The following ERAP1 variants were observed in gnomAD, a reference collection of about 807,000 sequenced individuals.
ERAP1 encodes the protein endoplasmic reticulum aminopeptidase 1.
A neutral mutation model predicts 103.7 loss-of-function variants in ERAP1; 86 were observed. The observed-to-expected ratio is 0.83, with a 90% CI of 0.70 to 0.99. ERAP1 has a LOEUF of 0.99. Among genes scored for constraint, ERAP1 ranks in the 50% least tolerant of loss-of-function variants. The probability of loss-of-function intolerance (pLI) is 0.00; values close to 1 mark genes in which losing one functional copy is unlikely to be tolerated. For missense variants in ERAP1, 1,009 were observed against 1,128.4 expected (o/e 0.89, Z 1.52); for synonymous variants, 398 against 402.4 (o/e 0.99, Z 0.13).
chr5:96,855,631 T>G, the ERAP1 span, among the ~76,000 whole-genome samples: 1 of 152,202 alleles, frequency 6.6e-6, no homozygotes, highest in Non-Finnish European at 1.5e-5. Context: ...AAAAGGGCGA[T>G]GGCATTTTGA....
chr5:96,857,965 T>C, the ERAP1 span, among the ~76,000 whole-genome samples: 5 of 152,142 alleles, frequency 3.3e-5, no homozygotes, highest in Admixed American at 6.5e-5. Flanking sequence ...GTGCAAAGGA[T>C]AAAATGAAGA....
At chr5:96,845,085 G>A in the ERAP1 span, among the ~76,000 whole-genome samples, 12 of 152,062 alleles carry the variant, frequency 7.9e-5, no homozygotes, top group Non-Finnish European at 1.3e-4. Context: ...TATATTACTG[G>A]GGGGAAAACC....
the ERAP1 span, among the ~76,000 whole-genome samples, chr5:96,888,678 T>C: frequency 1.3e-5 from 2 of 152,358 alleles, no homozygotes; most frequent in East Asian, 1.9e-4. Flanking sequence ...TTCTACTTGA[T>C]AGCTAATTTC....
At chr5:96,909,697 C>A in the ERAP1 span, 3 of 1,614,194 alleles carry the variant, frequency 1.9e-6, no homozygotes, top group Non-Finnish European at 2.5e-6. Context: ...TGACCTGAAC[C>A]ATGCTCCTTG....
At chr5:96,837,013 A>G in the ERAP1 span, among the ~76,000 whole-genome samples, 8 of 152,210 alleles carry the variant, frequency 5.3e-5, no homozygotes, top group African/African-American at 1.2e-4. Flanking sequence ...ATGATGTCAT[A>G]AGGACTTTCA....
chr5:96,851,164 A>G, the ERAP1 span, among the ~76,000 whole-genome samples: 8 of 152,232 alleles, frequency 5.3e-5, no homozygotes, highest in Non-Finnish European at 7.3e-5. Context: ...ATGTTTAATT[A>G]GTGCTTCATA....
At chr5:96,815,247 T>C in the ERAP1 span, among the ~76,000 whole-genome samples, 14 of 152,208 alleles carry the variant, frequency 9.2e-5, no homozygotes, top group Non-Finnish European at 1.9e-4. Context: ...TGCTAAACTT[T>C]TATAAAATCT....
intron 19 of ERAP1, chr5:96,768,137 G>A (rs1311478680): frequency 4.4e-6 from 3 of 687,302 alleles, no homozygotes; most frequent in Non-Finnish European, 7.8e-6. Context: ...AGGCTGGAGT[G>A]CAGTGGTGTG....
chr5:96,850,694 A>G, the ERAP1 span, among the ~76,000 whole-genome samples: 6 of 152,312 alleles, frequency 3.9e-5, no homozygotes, highest in South Asian at 2.1e-4. Flanking sequence ...CACTCATTCC[A>G]CGATGTATAC....
chr5:96,781,874 C>G lies in ERAP1; in HGVS notation c.2286-20G>C, dbSNP rs1581545515. ...GGCAGGCTATAGAAAGGAACACACT[C>G]GGTGAGAATCTGAGGTGCAGTAAGT... On this transcript the variant is annotated intron_variant, in intron 15 of 18. Coordinates refer to ENST00000443439, the MANE Select transcript of ERAP1 (RefSeq NM_001040458.3). The G allele has an allele frequency of 6.2e-7, 1 of 1,612,648 alleles. No individual in the cohort carries two copies. Among genetic ancestry groups the G allele is most frequent in the Admixed American group, 1.7e-5 (1 of 60,004 alleles).
the ERAP1 span, among the ~76,000 whole-genome samples, chr5:96,834,741 A>C: frequency 6.6e-6 from 1 of 152,228 alleles, no homozygotes; most frequent in Non-Finnish European, 1.5e-5. Flanking sequence ...GAAGTGTTTG[A>C]TGCTGTGGGA....
intron 16 of ERAP1, 100 bp downstream of exon 16, chr5:96,781,593 T>C (rs181119323): frequency 1.4e-5 from 21 of 1,462,236 alleles, no homozygotes; most frequent in East Asian, 6.8e-5. Context: ...CCCAGCAGGA[T>C]AGGCAATTCC....
chr5:96,916,773 T>A, the ERAP1 span, among the ~76,000 whole-genome samples: 15 of 151,604 alleles, frequency 9.9e-5, no homozygotes, highest in Admixed American at 5.2e-4. Context: ...ATCTTTTTTT[T>A]TTTTTTAAAG....
chr5:96,875,657 C>A, the ERAP1 span, among the ~76,000 whole-genome samples: 1 of 151,946 alleles, frequency 6.6e-6, no homozygotes. Context: ...AGGCTGGAAG[C>A]ATATAAAGCA....
chr5:96,773,800 G>A (rs1428312671), downstream of ERAP1: 3 of 152,326 alleles, frequency 2.0e-5, no homozygotes, highest in Admixed American at 6.5e-5. Flanking sequence ...AAGATGTCAG[G>A]TACATAACAT....
the ERAP1 span, among the ~76,000 whole-genome samples, chr5:96,816,168 CAG>C: frequency 6.6e-6 from 1 of 152,088 alleles, no homozygotes; most frequent in Non-Finnish European, 1.5e-5. Context: ...ATGATGCAAA[CAG>C]AAGAGGGAAG....
chr5:96,866,186 G>T, the ERAP1 span, among the ~76,000 whole-genome samples: 2 of 152,106 alleles, frequency 1.3e-5, no homozygotes, highest in Non-Finnish European at 2.9e-5. Flanking sequence ...CTCTCATTAT[G>T]CCAAGCCTGT....
upstream of ERAP1, among the ~76,000 whole-genome samples, chr5:96,811,513 C>T (rs1436970274): frequency 3.9e-5 from 6 of 152,218 alleles, no homozygotes; most frequent in Admixed American, 1.3e-4. Flanking sequence ...GCAGGGCTGA[C>T]AGAGACAGAG....
chr5:96,884,188 A>T, the ERAP1 span, among the ~76,000 whole-genome samples: 24 of 152,214 alleles, frequency 1.6e-4, no homozygotes, highest in Non-Finnish European at 7.4e-5. Flanking sequence ...TTGTGTTCAT[A>T]TGGAAACAGT....
Sources: allele counts gnomAD v4.1 joint callset (sites outside exome capture counted in the v4.1 genomes callset), GRCh38; gene constraint gnomAD v4.1.1; transcripts MANE v1.5; gene names NCBI Gene and HGNC (gene_info 2026-07-23, HGNC 2026-07-21).